SNX29: variants seen among roughly 807,000 people sequenced by gnomAD.
SNX29 encodes sorting nexin 29.
Under a neutral mutation model 102.1 loss-of-function variants are expected in SNX29, and 78 were observed. The ratio of observed to expected loss-of-function variants is 0.76; its 90% CI spans 0.64 to 0.92. The LOEUF is 0.92. Ranked by LOEUF, SNX29 falls within the 40% of genes least tolerant of loss-of-function variation. The pLI is 0.00. For synonymous variants in SNX29, 580 were observed against 414.5 expected (o/e 1.40, Z -4.85); for missense variants, 1,280 against 1,061.7 (o/e 1.21, Z -2.86).
At chr16:11,978,692 C>G (rs2055355023) in intron 1 of SNX29, among the ~76,000 whole-genome samples, 1 of 152,164 alleles carries the variant, frequency 6.6e-6, no homozygotes, top group Non-Finnish European at 1.5e-5. Context: ...GTTCTGGACC[C>G]TTTTCGTTTT....
chr16:12,425,095 AAC>A (rs937960755), intron 18 of SNX29, among the ~76,000 whole-genome samples: 20 of 152,356 alleles, frequency 1.3e-4, no homozygotes, highest in African/African-American at 4.6e-4. Flanking sequence ...ATACAAACAA[AAC>A]ACACCCAGGT....
chr16:12,469,013 C>T (rs1016029535), intron 18 of SNX29, among the ~76,000 whole-genome samples: 4 of 152,186 alleles, frequency 2.6e-5, no homozygotes, highest in East Asian at 1.9e-4. Flanking sequence ...CAGTTCTCTC[C>T]GAGACACAGG....
At chr16:12,144,586 C>T (rs1049759975) in intron 13 of SNX29, among the ~76,000 whole-genome samples, 2 of 152,212 alleles carry the variant, frequency 1.3e-5, no homozygotes, top group African/African-American at 4.8e-5. Flanking sequence ...CAAAGGTCCT[C>T]GCCAGACGCC....
chr16:12,431,127 C>A (rs141983461), intron 18 of SNX29, among the ~76,000 whole-genome samples: 12,539 of 152,228 alleles, frequency 0.082, 674 homozygotes, highest in Middle Eastern at 0.18. Flanking sequence ...GCTGGGATTA[C>A]AGGCGTGAGC....
At chr16:12,287,597 C>T (rs2079640531) in intron 15 of SNX29, among the ~76,000 whole-genome samples, 1 of 152,192 alleles carries the variant, frequency 6.6e-6, no homozygotes, top group Non-Finnish European at 1.5e-5. Flanking sequence ...TAGTAAACTA[C>T]AAGGACTGTC....
rs376234366 is a variant in SNX29, at chr16:12,568,593, G to C, written c.2406G>C (p.Glu802Asp). The C allele has an allele frequency of 1.0e-5, 16 of 1,605,956 alleles. No homozygotes were observed. Among genetic ancestry groups the C allele is most frequent in the Middle Eastern group, 1.6e-4 (1 of 6,084 alleles). ...FPKLSRGQPR[E>D]TRNVEPQSGD... ...AACTGTCCCGGGGTCAGCCCCGGGA[G>C]ACCCGCAACGTGGAGCCCCAGAGCG... is the stretch of plus-strand genomic sequence containing the variant. Residue 802 changes from glutamate to aspartate, a missense_variant, in exon 21 of 21, where the codon GAG (glutamate) becomes GAC (aspartate). Transcript: ENST00000566228.
intron 20 of SNX29, among the ~76,000 whole-genome samples, chr16:12,566,005 C>T (rs778787271): frequency 6.6e-6 from 1 of 152,198 alleles, no homozygotes; most frequent in Non-Finnish European, 1.5e-5. Flanking sequence ...CCCCTTCATG[C>T]CCAGCCCAGC....
intron 13 of SNX29, among the ~76,000 whole-genome samples, chr16:12,157,312 C>T (rs1385653068): frequency 3.3e-5 from 5 of 152,140 alleles, no homozygotes; most frequent in African/African-American, 1.2e-4. Context: ...GAGGGCAGCA[C>T]AGGGCAGACC....
At chr16:12,150,706 G>A (rs1352485449) in intron 13 of SNX29, among the ~76,000 whole-genome samples, 1 of 152,196 alleles carries the variant, frequency 6.6e-6, no homozygotes, top group African/African-American at 2.4e-5. Flanking sequence ...TCACAGTATC[G>A]GGAGGCCCCA....
At chr16:12,565,707 G>A (rs183511531) in intron 20 of SNX29, among the ~76,000 whole-genome samples, 62 of 147,450 alleles carry the variant, frequency 4.2e-4, no homozygotes, top group African/African-American at 4.9e-4. Flanking sequence ...GGAAGCAGCT[G>A]GGCCGGGTCT....
At chr16:12,543,361 TA>T (rs1181637733) in intron 20 of SNX29, among the ~76,000 whole-genome samples, 2 of 152,282 alleles carry the variant, frequency 1.3e-5, no homozygotes, top group Non-Finnish European at 2.9e-5. Flanking sequence ...TCAGCCCACC[TA>T]AGCTCATGGA....
chr16:12,134,859 C>T (rs1351365670), intron 13 of SNX29, among the ~76,000 whole-genome samples: 2 of 152,152 alleles, frequency 1.3e-5, no homozygotes, highest in Non-Finnish European at 2.9e-5. Context: ...GTATGTATAT[C>T]TCTAGAAAGG....
chr16:12,230,930 T>TA (rs2077751252), intron 14 of SNX29, among the ~76,000 whole-genome samples: 2 of 152,128 alleles, frequency 1.3e-5, no homozygotes. Flanking sequence ...CACTGCAACT[T>TA]ACGCCTCTTG....
chr16:12,542,162 G>A (rs1375386207), intron 20 of SNX29, among the ~76,000 whole-genome samples: 2 of 152,186 alleles, frequency 1.3e-5, no homozygotes, highest in Non-Finnish European at 2.9e-5. Flanking sequence ...GGCTCCTGCT[G>A]GGTGTCAGGC....
chr16:12,220,472 G>A (rs1024635170), intron 14 of SNX29, among the ~76,000 whole-genome samples: 29 of 152,232 alleles, frequency 1.9e-4, no homozygotes, highest in African/African-American at 3.6e-4. Context: ...CAGACTCTGC[G>A]TGACCTGCTA....
At chr16:12,306,756 A>C (rs530394919) in intron 15 of SNX29, among the ~76,000 whole-genome samples, 2 of 152,360 alleles carry the variant, frequency 1.3e-5, no homozygotes, top group Admixed American at 1.3e-4. Flanking sequence ...ATTCTTCAGA[A>C]AAGTTACTAG....
intron 13 of SNX29, among the ~76,000 whole-genome samples, chr16:12,130,497 AAGAT>A (rs1362195844): frequency 7.9e-5 from 12 of 151,618 alleles, no homozygotes; most frequent in South Asian, 2.1e-4. Context: ...AAAAAAAAAA[AAGAT>A]AGCGACTAAA....
At chr16:12,282,083 C>CAAAAAAA (rs758827865) in intron 15 of SNX29, among the ~76,000 whole-genome samples, 2 of 62,058 alleles carry the variant, frequency 3.2e-5, no homozygotes, top group African/African-American at 6.3e-5. Flanking sequence ...GACTCCATCT[C>CAAAAAAA]AAAAAAAAAA....
chr16:12,434,697 G>A (rs540526772), intron 18 of SNX29, among the ~76,000 whole-genome samples: 1 of 152,156 alleles, frequency 6.6e-6, no homozygotes, highest in East Asian at 1.9e-4. Context: ...TTAACTTCCT[G>A]CATCTGACAC....
Sources: allele counts gnomAD v4.1 joint callset (sites outside exome capture counted in the v4.1 genomes callset), GRCh38; gene constraint gnomAD v4.1.1; transcripts MANE v1.5; gene names NCBI Gene and HGNC (gene_info 2026-07-23, HGNC 2026-07-21).